The following HGS variants were observed in gnomAD, a reference collection of about 807,000 sequenced individuals.
The protein encoded by HGS is human growth factor-regulated tyrosine kinase substrate.
Under a neutral mutation model 109.7 loss-of-function variants are expected in HGS, and 63 were observed. The observed-to-expected ratio is 0.57, with a 90% CI of 0.47 to 0.71. The LOEUF (loss-of-function observed/expected upper bound fraction) is 0.71. Among genes scored for constraint, HGS ranks in the 30% least tolerant of loss-of-function variants. The pLI, the probability that HGS is intolerant of heterozygous loss-of-function variation, is 0.00. For missense variants in HGS, 995 were observed against 1,068.3 expected (o/e 0.93, Z 0.96); for synonymous variants, 546 against 437.3 (o/e 1.25, Z -3.10).
At chr17:81,694,694 C>G in intron 11 of HGS, 121 bp from the exon 12 acceptor site, 1 of 1,187,566 alleles carries the variant, frequency 8.4e-7, no homozygotes, top group Non-Finnish European at 1.2e-6. Flanking sequence ...GAGGAGGGCA[C>G]GGAGGGAGGG....
chr17:81,685,182 C>G, intron 1 of HGS: 2 of 535,502 alleles, frequency 3.7e-6, no homozygotes, highest in South Asian at 1.6e-4. Flanking sequence ...CTTGCCCAAG[C>G]TAAGGTCCCA....
In HGS at chr17:81,696,889, C is replaced by T; in HGVS notation, c.1773C>T (p.Ser591=). ...CCTCGGGACCAGCCAGCTTCCCCAG[C>T]ACCTTCAGCCCTGCCGGCTCGGTGG... ...YQPSGPASFP[S]TFSPAGSVEG... Residue 591 remains serine, a synonymous_variant, in exon 18 of 22, where the codon AGC becomes AGT. Coordinates refer to ENST00000329138, the MANE Select transcript of HGS (RefSeq NM_004712.5). 6.2e-7 allele frequency: 1 copy of T among 1,610,620 alleles called. No individual in the cohort carries two copies.
At chr17:81,698,580 T>G (rs1214249679) in intron 18 of HGS, among the ~76,000 whole-genome samples, 1 of 152,172 alleles carries the variant, frequency 6.6e-6, no homozygotes, top group East Asian at 1.9e-4. Context: ...AAGCAGCCAT[T>G]TCTCCAAGGA....
Position 81,687,056 on chromosome 17 carries a change from C to T in HGS, c.252C>T (p.Ala84=). ...NCGQTVHDEV[A]NKQTMEELKD... is the part of the protein sequence containing the mutation. Reference sequence around the variant, plus strand: ...GCCAGACAGTTCATGATGAGGTGGCCAACAAGCAGACCATGGAGGAGCTGA... The same window carrying T: ...GCCAGACAGTTCATGATGAGGTGGCTAACAAGCAGACCATGGAGGAGCTGA... The change falls in exon 4 of 22, where the codon GCC becomes GCT. Residue 84 remains alanine, a synonymous_variant. Coordinates refer to ENST00000329138, the MANE Select transcript of HGS (RefSeq NM_004712.5). 3.1e-6 allele frequency: 5 copies of T among 1,613,380 alleles called. No homozygotes were observed. Among genetic ancestry groups the T allele is most frequent in the Non-Finnish European group, 3.4e-6 (4 of 1,179,936 alleles).
chr17:81,695,217 T>G lies in HGS; in HGVS notation c.1173T>G (p.Phe391Leu). The G allele has an allele frequency of 1.9e-6, 3 of 1,614,128 alleles. No homozygotes were observed. The highest frequency in any genetic ancestry group is 2.5e-6 in the Non-Finnish European group (3 of 1,179,966). ...CCATTCCTCCCTCTGGTGGCCCCTT[T>G]AGTGAGGTAAGCTGTGGCTCCCTCC... Reference protein sequence around the residue: ...SQPIPPSGGPFSEPQFHNGES... With the variant: ...SQPIPPSGGPLSEPQFHNGES... Residue 391 changes from phenylalanine (F) to leucine (L), a missense_variant, in exon 14 of 22, where the codon TTT becomes TTG. This residue lies in a region of HGS where 300 missense variants were observed against 235.4 expected (regional missense o/e 1.27). Coordinates refer to ENST00000329138, the MANE Select transcript of HGS (RefSeq NM_004712.5).
rs1258875364 is a variant in HGS, at chr17:81,695,321, G to A, written c.1179+98G>A. 8.3e-6 allele frequency: 11 copies of A among 1,324,758 alleles called. No individual in the cohort carries two copies. In the Admixed American group the frequency reaches 1.6e-4, roughly 19 times the overall value. The allele number at this position is 1,324,758 out of a possible 1,614,324, so 82.1% of individuals were successfully genotyped here. A position where few individuals can be genotyped will look rare whatever the true frequency, so the allele number is the denominator to read the frequency against. On this transcript the variant is annotated intron_variant, in intron 14 of 21. Coordinates refer to ENST00000329138, the MANE Select transcript of HGS (RefSeq NM_004712.5). ...AGGTGCCTGCCCTAACCAGAGGGCC[G>A]TGCTAGAGCAAGGGTGTCTGCCCCA...
intron 3 of HGS, 59 bp downstream of exon 3, chr17:81,686,446 C>G: frequency 8.0e-7 from 1 of 1,247,454 alleles, no homozygotes; most frequent in African/African-American, 1.5e-5. Flanking sequence ...CTAGTCACGA[C>G]AGCATGAGAA....
rs374966941 is a variant in HGS at position 81,695,917 on chromosome 17, G to A, written c.1311G>A (p.Ser437=). Residue 437 remains serine (S), a synonymous_variant, in exon 15 of 22, where the codon TCG becomes TCA. Transcript: ENST00000329138. ...GGGGCCGCAGCATCACCAATGACTC[G>A]GCCGTGCTCTCACTCTTCCAGTCCA... ...HMRGRSITND[S]AVLSLFQSIN... 14 of 1,605,960 alleles carry A rather than the reference G, an allele frequency of 8.7e-6. No individual in the cohort carries two copies. The highest frequency in any genetic ancestry group is 2.2e-5 in the South Asian group (2 of 90,254).
Position 81,691,582 on chromosome 17 carries a change from GCCC to G in HGS, c.662+15_662+17del. ...CGAGCAGCTGAACAGGTGAGTCCCC[GCCC>G]CCCATTTGGGCTGCAGGTGGGGCAG... On this transcript the variant is annotated intron_variant, in intron 8 of 21. Transcript: ENST00000329138. This position sits in a 1 kb window ranked among gnomAD's most constrained non-coding sequence, Gnocchi z 5.3. The G allele has an allele frequency of 6.2e-7, 1 of 1,613,688 alleles. No homozygotes were observed. The highest frequency in any genetic ancestry group is 8.5e-7 in the Non-Finnish European group (1 of 1,179,802).
At position 81,696,712 on chromosome 17, in the gene HGS, G is replaced by A. The variant is rs1268324307; in HGVS notation, c.1672G>A (p.Ala558Thr). 10 of 1,608,812 alleles carry A rather than the reference G, an allele frequency of 6.2e-6. No individual in the cohort carries two copies. The highest frequency in any genetic ancestry group is 2.2e-5 in the South Asian group (2 of 90,960). ...GCAGAAGCAGACGGTCCAGATGCGCGCGCAGATGCCCGCCTTCCCCCTGCC... is the reference window on the plus strand; with the variant it reads ...GCAGAAGCAGACGGTCCAGATGCGCACGCAGATGCCCGCCTTCCCCCTGCC... ...EQQKQTVQMR[A>T]QMPAFPLPYA... Residue 558 changes from alanine to threonine, a missense_variant, in exon 17 of 22, where the codon GCG becomes ACG. Coordinates refer to ENST00000329138, the MANE Select transcript of HGS (RefSeq NM_004712.5).
In HGS at chr17:81,700,523, G is replaced by T. The variant is rs768736206; in HGVS notation, c.1939G>T (p.Ala647Ser). ...AGCAGGGGCCACTGGGGCGCAGGCG[G>T]CCCCCCAGGCCCAGGCCGGACCCAC... ...YPAGATGAQA[A>S]PQAQAGPTAS... Residue 647 changes from alanine to serine, a missense_variant, in exon 19 of 22, where the codon GCC becomes TCC. By Grantham distance (99) the Ala-to-Ser change is moderately conservative. Transcript: ENST00000329138. 7 of 1,607,798 alleles carry T rather than the reference G, an allele frequency of 4.4e-6. No individual in the cohort carries two copies. In the East Asian group the frequency reaches 1.3e-4, roughly 31 times the overall value.
At chr17:81,686,429 C>T (rs1235944159) in intron 3 of HGS, 42 bp downstream of exon 3, 4 of 1,427,166 alleles carry the variant, frequency 2.8e-6, no homozygotes, top group South Asian at 2.3e-5. Flanking sequence ...AGGGTCCCTA[C>T]CCCCTACTAG....
Position 81,685,580 on chromosome 17 carries a change from C to A in HGS, c.38-25C>A, listed in dbSNP as rs752727529. 2.5e-6 allele frequency: 4 copies of A among 1,583,622 alleles called. No individual in the cohort carries two copies. The South Asian group carries it at 3.4e-5, about 13-fold the overall frequency. ...GGGGCGTCCAGCAGGATAACCCCTC[C>A]CTTTCATGGCATTTTCTCTCTCAGA... On this transcript the variant is annotated intron_variant, in intron 1 of 21. Transcript: ENST00000329138.
intron 11 of HGS, among the ~76,000 whole-genome samples, chr17:81,694,280 G>T (rs2037111281): frequency 6.6e-6 from 1 of 152,228 alleles, no homozygotes; most frequent in Non-Finnish European, 1.5e-5. Context: ...GCTTTCTGGG[G>T]CATCCACGTC....
intron 8 of HGS, chr17:81,693,103 C>T: frequency 5.1e-6 from 1 of 196,072 alleles, no homozygotes; most frequent in Non-Finnish European, 1.0e-5. Context: ...CCTTGGACTG[C>T]CTGGGGCGCC....
In HGS at chr17:81,693,656, G is replaced by A. The variant is rs1168653964; in HGVS notation, c.744G>A (p.Leu248=). 6.5e-7 allele frequency: 1 copy of A among 1,547,916 alleles called. No individual in the cohort carries two copies. The highest frequency in any genetic ancestry group is 1.4e-5 in the African/African-American group (1 of 73,528). Residue 248 remains leucine (L), a splice_region_variant and synonymous_variant, in exon 10 of 22, where the codon CTG becomes CTA. Transcript: ENST00000329138. The part of the protein sequence containing the change: ...LTSPLSQQSQ[L]PPKRDETALQ... ...TCACCCTCCCCGCTTGTCCTCAGCT[G>A]CCCCCCAAGAGGGACGAGACGGCCC... is the stretch of plus-strand genomic sequence containing the variant.
rs567783998 is a variant in HGS at position 81,701,546 on chromosome 17, C to G, written c.2262C>G (p.Pro754=). 4 of 1,567,268 alleles carry G rather than the reference C, an allele frequency of 2.6e-6. No individual in the cohort carries two copies. In the Admixed American group the frequency reaches 7.1e-5, roughly 28 times the overall value. Reference sequence around the variant, plus strand: ...GCGGTCCCCCCCAGCAGCAGCCCCCCGTGGCCCAGCAACCGCAGGCACAGG... The same window carrying G: ...GCGGTCCCCCCCAGCAGCAGCCCCCGGTGGCCCAGCAACCGCAGGCACAGG... ...PSGGPPQQQP[P]VAQQPQAQGP... Residue 754 remains proline (P), a synonymous_variant, in exon 22 of 22, where the codon CCC becomes CCG. Transcript: ENST00000329138.
At chr17:81,690,840 G>A (rs1359244163) in intron 7 of HGS, 98 bp downstream of exon 7, 3 of 1,083,962 alleles carry the variant, frequency 2.8e-6, no homozygotes, top group East Asian at 5.0e-5. Flanking sequence ...CCTTCCTGGT[G>A]GGTGGTTCAG....
chr17:81,696,390 A>G lies in HGS; in HGVS notation c.1427A>G (p.Gln476Arg). ...YYEGLQDKLA[Q>R]IRDARGALSA... is the part of the protein sequence containing the mutation. ...GAGGGGCTGCAGGACAAGCTGGCACAGATCCGCGATGCCCGGGGGGCGCTG... is the reference window on the plus strand; with the variant it reads ...GAGGGGCTGCAGGACAAGCTGGCACGGATCCGCGATGCCCGGGGGGCGCTG... The change falls in exon 16 of 22, where the codon CAG becomes CGG. Residue 476 changes from glutamine to arginine, a missense_variant. Physicochemically the swap from Gln to Arg is conservative, Grantham distance 43. Transcript: ENST00000329138. 1 of 1,588,942 alleles carries G rather than the reference A, an allele frequency of 6.3e-7. No homozygotes were observed. Among genetic ancestry groups the G allele is most frequent in the Non-Finnish European group, 8.5e-7 (1 of 1,170,126 alleles).
Sources: allele counts gnomAD v4.1 joint callset (sites outside exome capture counted in the v4.1 genomes callset), GRCh38; gene constraint gnomAD v4.1.1; regional missense constraint gnomAD v4.1.1; non-coding constraint Gnocchi (gnomAD v3.1); transcripts MANE v1.5; gene names NCBI Gene and HGNC (gene_info 2026-07-23, HGNC 2026-07-21).